Variants in CDH19 observed in about 807,000 individuals in gnomAD.
CDH19 encodes the protein cadherin 19, also known as cadherin-19.
CDH19 carries 67 observed loss-of-function variants against 64.2 expected under a neutral mutation model. That is an observed-to-expected ratio of 1.04 (90% CI 0.86 to 1.28). CDH19 has a LOEUF of 1.28. Among genes scored for constraint, CDH19 ranks in the 50% most tolerant of loss-of-function variants. The pLI is 0.00. For missense variants in CDH19, 1,030 were observed against 929.0 expected (o/e 1.11, Z -1.41); for synonymous variants, 346 against 319.3 (o/e 1.08, Z -0.89).
At position 66,583,107 on chromosome 18, in the gene CDH19, G is replaced by A. The variant is rs189017905; in HGVS notation, c.-112-10791C>T. Among the ~76,000 whole-genome samples, 570 of 152,100 alleles carry A rather than the reference G, an allele frequency of 3.7e-3. 3 individuals carry two copies. The highest frequency in any genetic ancestry group is 0.013 in the African/African-American group (555 of 41,516). ...TGCCTAAAACACCTTTATCAGTATA[G>A]ATCTTAATTATGTCTTTACCATCTT... is the stretch of plus-strand genomic sequence containing the variant. On this transcript the variant is annotated intron_variant, in intron 1 of 11. Coordinates refer to ENST00000262150, the MANE Select transcript of CDH19 (RefSeq NM_021153.4).
intron 5 of CDH19, among the ~76,000 whole-genome samples, chr18:66,547,322 G>C (rs554057105): frequency 6.6e-6 from 1 of 151,906 alleles, no homozygotes; most frequent in Admixed American, 6.6e-5. Flanking sequence ...GAGGGTATGC[G>C]TGTGTGTGTA....
intron 3 of CDH19, among the ~76,000 whole-genome samples, chr18:66,557,884 G>C (rs1020377086): frequency 1.3e-5 from 2 of 151,572 alleles, no homozygotes; most frequent in African/African-American, 4.8e-5. Flanking sequence ...CTGATGTTCA[G>C]CTCTGCCACC....
At position 66,511,675 on chromosome 18, in the gene CDH19, G is replaced by T; in HGVS notation, c.1469C>A (p.Thr490Asn). The T allele has an allele frequency of 6.6e-7, 1 of 1,505,352 alleles. No individual in the cohort carries two copies. The highest frequency in any genetic ancestry group is 9.2e-7 in the Non-Finnish European group (1 of 1,087,428). 93.2% of individuals were successfully genotyped at this position (1,505,352 alleles called of 1,614,324 possible). A position where few individuals can be genotyped will look rare whatever the true frequency, so the allele number is the denominator to read the frequency against. Reference sequence around the variant, plus strand: ...TTCATCTCTATCCACTGCACTGATAGTCTGAATTACCTAAAAAAAAAGGGG... The same window carrying T: ...TTCATCTCTATCCACTGCACTGATATTCTGAATTACCTAAAAAAAAAGGGG... ...ENAGSGQVIQ[T>N]ISAVDRDESI... The change falls in exon 10 of 12, where the codon ACT becomes AAT. Residue 490 changes from threonine to asparagine, a missense_variant. Transcript: ENST00000262150.
chr18:66,507,416 C>T (rs1356274367), intron 11 of CDH19, among the ~76,000 whole-genome samples: 2 of 151,726 alleles, frequency 1.3e-5, no homozygotes, highest in East Asian at 1.9e-4. Context: ...TACATTTGCT[C>T]TCACTCTTCA....
chr18:66,507,319 A>G (rs1476092740), intron 11 of CDH19, among the ~76,000 whole-genome samples: 2 of 151,896 alleles, frequency 1.3e-5, no homozygotes, highest in African/African-American at 4.8e-5. Flanking sequence ...TGAAACCTTG[A>G]GAAAGATAAG....
intron 9 of CDH19, among the ~76,000 whole-genome samples, chr18:66,515,751 A>G (rs563836501): frequency 3.4e-4 from 51 of 152,006 alleles, no homozygotes; most frequent in African/African-American, 1.2e-3. Flanking sequence ...AATATTCCAA[A>G]TATACTTTTA....
chr18:66,525,507 CA>C (rs1484664045), intron 9 of CDH19, among the ~76,000 whole-genome samples: 1 of 152,034 alleles, frequency 6.6e-6, no homozygotes. Context: ...ATTGTATTAA[CA>C]AAAACCTACC....
chr18:66,515,573 CTAAGT>C, intron 9 of CDH19, among the ~76,000 whole-genome samples: 1 of 151,712 alleles, frequency 6.6e-6, no homozygotes, highest in South Asian at 2.1e-4. Flanking sequence ...TGAGGATACT[CTAAGT>C]TTTCTAAAAG....
intron 1 of CDH19, among the ~76,000 whole-genome samples, chr18:66,587,797 G>T (rs1248870473): frequency 1.3e-5 from 2 of 152,084 alleles, no homozygotes; most frequent in East Asian, 3.9e-4. Context: ...GTGGTAGGAG[G>T]TTGCTGAGAA....
At chr18:66,543,457 G>T (rs145611088) in intron 7 of CDH19, among the ~76,000 whole-genome samples, 64 of 152,154 alleles carry the variant, frequency 4.2e-4, no homozygotes, top group East Asian at 3.3e-3. Context: ...ATTGGTAATT[G>T]CCTCCTTCTT....
chr18:66,560,686 C>T (rs947648568), intron 3 of CDH19, among the ~76,000 whole-genome samples: 1 of 151,838 alleles, frequency 6.6e-6, no homozygotes, highest in Non-Finnish European at 1.5e-5. Flanking sequence ...TTTTTTATTA[C>T]TCTTCCCAGC....
rs775072291 is a variant in CDH19, at chr18:66,504,904, G to C, written c.2227C>G (p.Gln743Glu). 1.2e-6 allele frequency: 2 copies of C among 1,613,456 alleles called. No individual in the cohort carries two copies. The highest frequency in any genetic ancestry group is 8.5e-7 in the Non-Finnish European group (1 of 1,179,704). Residue 743 changes from glutamine (Q) to glutamate (E), a missense_variant, in exon 12 of 12, where the codon CAG (glutamine) becomes GAG (glutamate). Physicochemically the swap from Gln to Glu is conservative, Grantham distance 29 (BLOSUM62 2). Coordinates refer to ENST00000262150, the MANE Select transcript of CDH19 (RefSeq NM_021153.4). The part of the protein sequence containing the change: ...LSSLESAVSD[Q>E]DESYDYLNEL... ...TTAAGGTAATCATAGCTTTCATCCT[G>C]ATCAGAGACTGCTGATTCTAAGGAG...
intron 1 of CDH19, among the ~76,000 whole-genome samples, chr18:66,579,659 G>C (rs1988368250): frequency 6.6e-6 from 1 of 152,008 alleles, no homozygotes; most frequent in Non-Finnish European, 1.5e-5. Context: ...AAAGATTTAA[G>C]ATATACTAGA....
intron 3 of CDH19, among the ~76,000 whole-genome samples, chr18:66,555,342 A>G (rs1987479322): frequency 6.6e-6 from 1 of 151,664 alleles, no homozygotes; most frequent in African/African-American, 2.4e-5. Flanking sequence ...AAAATCAAAT[A>G]GCTTCTGTGG....
rs1036825127 is a variant in CDH19 at position 66,554,504 on chromosome 18, T to G, written c.511A>C (p.Thr171Pro). Residue 171 changes from threonine (T) to proline (P), a missense_variant, in exon 4 of 12, where the codon ACA becomes CCA. By Grantham distance (38) the Thr-to-Pro change is conservative. Transcript: ENST00000262150. ...SPEGTLVIQVTASDADDPSSG... is the reference protein window; with the variant it reads ...SPEGTLVIQVPASDADDPSSG... ...GAGGGATCGTCAGCATCACTTGCTG[T>G]CACCTGGATAACTAATGTTCCTAAA... 1 of 1,610,756 alleles carries G rather than the reference T, an allele frequency of 6.2e-7. No homozygotes were observed. Among genetic ancestry groups the G allele is most frequent in the Non-Finnish European group, 8.5e-7 (1 of 1,177,734 alleles).
intron 9 of CDH19, among the ~76,000 whole-genome samples, chr18:66,518,867 A>G (rs1985854852): frequency 7.1e-6 from 1 of 140,910 alleles, no homozygotes; most frequent in Non-Finnish European, 1.6e-5. Flanking sequence ...CAGTCTAATG[A>G]CTTTTTTTAA....
rs113883158 is a variant in CDH19 at position 66,501,560 on chromosome 18, T to C, written c.*3252A>G. ...ATGGCCTATGGGGAAGGTGAGGAAGTTGACTTTTATTTTCAATGTGCCGTG... is the reference window on the plus strand; with the variant it reads ...ATGGCCTATGGGGAAGGTGAGGAAGCTGACTTTTATTTTCAATGTGCCGTG... On this transcript the variant is annotated 3_prime_UTR_variant, in exon 12 of 12. Transcript: ENST00000262150. 1.1e-4 allele frequency: 17 copies of C among 152,206 alleles called. No individual in the cohort carries two copies. The highest frequency in any genetic ancestry group is 3.9e-4 in the African/African-American group (16 of 41,538). 9.4% of individuals were successfully genotyped at this position (152,206 alleles called of 1,614,324 possible). A position where few individuals can be genotyped will look rare whatever the true frequency, so the allele number is the denominator to read the frequency against.
In CDH19 at chr18:66,588,908, C is replaced by T. The variant is rs527988461; in HGVS notation, c.-113+15046G>A. Among the ~76,000 whole-genome samples the T allele has an allele frequency of 5.3e-5, 8 of 151,688 alleles. No homozygotes were observed. The East Asian group carries it at 9.7e-4, about 18-fold the overall frequency. ...CTTCTTTTGATGATTAATGAATTAA[C>T]AGCTTTTTAGAAAGCAGAGAATAAA... On this transcript the variant is annotated intron_variant, in intron 1 of 11. Transcript: ENST00000262150.
intron 3 of CDH19, among the ~76,000 whole-genome samples, chr18:66,566,387 T>C (rs374707632): frequency 7.9e-5 from 12 of 151,820 alleles, no homozygotes; most frequent in African/African-American, 2.9e-4. Flanking sequence ...ATAACAGTGC[T>C]GTTCAATTTC....
Sources: gnomAD v4.1 joint callset for allele counts (sites outside exome capture counted in the v4.1 genomes callset) on GRCh38, gnomAD v4.1.1 for gene constraint, MANE v1.5 for transcripts, NCBI Gene and HGNC (gene_info 2026-07-23, HGNC 2026-07-21) for gene names.